Variants in ATF3 observed in about 807,000 individuals in gnomAD.
ATF3 encodes cyclic AMP-dependent transcription factor ATF-3.
A neutral mutation model predicts 18.4 loss-of-function variants in ATF3; 10 were observed. That is an observed-to-expected ratio of 0.54 (90% CI 0.34 to 0.92). ATF3 has a LOEUF of 0.92. Among genes scored for constraint, ATF3 ranks in the 40% least tolerant of loss-of-function variants. The probability of loss-of-function intolerance (pLI) is 0.02; values close to 1 mark genes in which losing one functional copy is unlikely to be tolerated. For missense variants in ATF3, 183 were observed against 222.3 expected (o/e 0.82, Z 1.12); for synonymous variants, 78 against 87.9 (o/e 0.89, Z 0.63).
At chr1:212,568,418 G>T (rs957640372) in intron 1 of ATF3, among the ~76,000 whole-genome samples, 1 of 152,132 alleles carries the variant, frequency 6.6e-6, no homozygotes, top group Non-Finnish European at 1.5e-5. Flanking sequence ...TTTGCATCAT[G>T]GAAAAAGGAG....
chr1:212,596,529 T>C (rs992614857), intron 1 of ATF3, among the ~76,000 whole-genome samples: 10 of 152,212 alleles, frequency 6.6e-5, no homozygotes, highest in African/African-American at 1.9e-4. Context: ...AGGTGGAACA[T>C]TCGTTTCATT....
At chr1:212,567,224 C>T (rs904267531) in intron 1 of ATF3, among the ~76,000 whole-genome samples, 3 of 151,960 alleles carry the variant, frequency 2.0e-5, no homozygotes, top group Admixed American at 6.6e-5. Flanking sequence ...GTGCAGCTGC[C>T]GTAGGAGCAG....
chr1:212,575,443 T>A (rs1023122637), intron 1 of ATF3, among the ~76,000 whole-genome samples: 1 of 152,086 alleles, frequency 6.6e-6, no homozygotes, highest in Admixed American at 6.5e-5. Flanking sequence ...GTGAATGTTC[T>A]TGACTTCTTT....
At chr1:212,599,003 G>A (rs1382920999) in intron 1 of ATF3, among the ~76,000 whole-genome samples, 1 of 152,144 alleles carries the variant, frequency 6.6e-6, no homozygotes, top group African/African-American at 2.4e-5. Flanking sequence ...GGATCATATG[G>A]TAGCTCTACT....
At chr1:212,614,950 G>T (rs551075020) in intron 1 of ATF3, 68 bp from the exon 2 acceptor site, 88 of 1,613,416 alleles carry the variant, frequency 5.5e-5, no homozygotes, top group Non-Finnish European at 7.0e-5. Context: ...GAGGTCTGGT[G>T]GGGGAGGGGG....
chr1:212,589,683 C>CAA lies in ATF3; in HGVS notation c.-5+24210_-5+24211dup, dbSNP rs59930174. Among the ~76,000 whole-genome samples, 290 of 124,476 alleles carry CAA rather than the reference C, an allele frequency of 2.3e-3. 2 individuals are homozygous for CAA. Among genetic ancestry groups the CAA allele is most frequent in the African/African-American group, 3.5e-3 (123 of 34,836 alleles). The allele number at this position is 124,476 out of a possible 152,430, so 81.7% of individuals were successfully genotyped here. On this transcript the variant is annotated intron_variant, in intron 1 of 3. Transcript: ENST00000366981. ...GCACAACAAGAGTGAGACACCGTCT[C>CAA]AAAAAAAAAAAGAAAGAAAAAGAAG...
At position 212,615,019 on chromosome 1, in the gene ATF3, A is replaced by G. The variant is rs761128181; in HGVS notation, c.-3A>G. 3 of 1,614,066 alleles carry G rather than the reference A, an allele frequency of 1.9e-6. No individual in the cohort carries two copies. The highest frequency in any genetic ancestry group is 2.5e-6 in the Non-Finnish European group (3 of 1,180,052). On this transcript the variant is annotated splice_region_variant and 5_prime_UTR_variant, in exon 2 of 4. Coordinates refer to ENST00000341491, the MANE Select transcript of ATF3 (RefSeq NM_001674.4). ...TTTGGGTTTCAATGTGTCTTTCAGC[A>G]AAATGATGCTTCAACACCCAGGCCA...
At chr1:212,588,341 G>A (rs922677073) in intron 1 of ATF3, among the ~76,000 whole-genome samples, 2 of 152,108 alleles carry the variant, frequency 1.3e-5, no homozygotes, top group African/African-American at 2.4e-5. Flanking sequence ...AGAACCAGTT[G>A]GCTCAAGAGT....
intron 1 of ATF3, among the ~76,000 whole-genome samples, chr1:212,569,705 G>A (rs1019256949): frequency 4.0e-5 from 6 of 150,562 alleles, no homozygotes; most frequent in African/African-American, 1.5e-4. Flanking sequence ...TGATTGTACA[G>A]GAGTTCCAAT....
intron 1 of ATF3, among the ~76,000 whole-genome samples, chr1:212,591,519 C>T (rs762373168): frequency 1.3e-5 from 2 of 152,120 alleles, no homozygotes; most frequent in Non-Finnish European, 2.9e-5. Context: ...CAAGGATTGG[C>T]CATGGGGAAT....
At chr1:212,581,403 A>G (rs1156702123) in intron 1 of ATF3, among the ~76,000 whole-genome samples, 1 of 152,192 alleles carries the variant, frequency 6.6e-6, no homozygotes, top group Non-Finnish European at 1.5e-5. Context: ...TTGAGTAGAT[A>G]TGTAAGAAAA....
At position 212,602,861 on chromosome 1, in the gene ATF3, C is replaced by T. The variant is rs568146279; in HGVS notation, c.-4-12157C>T. Among the ~76,000 whole-genome samples the T allele has an allele frequency of 2.0e-4, 31 of 152,336 alleles. No homozygotes were observed. The South Asian group carries it at 6.4e-3, about 32-fold the overall frequency. ...GCTAGACCCAGAATGTATTTGATAT[C>T]TTCTCTCTTTCCTTAGAAATCCTTG... On this transcript the variant is annotated intron_variant, in intron 1 of 3. Coordinates refer to the ATF3 transcript ENST00000366981.
intron 1 of ATF3, among the ~76,000 whole-genome samples, chr1:212,576,716 CTTTTCTT>C (rs1257414180): frequency 0.054 from 4,210 of 77,256 alleles, 146 homozygotes; most frequent in African/African-American, 0.16. Flanking sequence ...CTTTTCTTTT[CTTTTCTT>C]TTTTTTTTTT....
At position 212,614,883 on chromosome 1, in the gene ATF3, A is replaced by G. The variant is rs11571540; in HGVS notation, c.-4-135A>G. The G allele has an allele frequency of 1.4e-4, 210 of 1,521,160 alleles. No homozygotes were observed. The African/African-American group carries it at 2.5e-3, about 18-fold the overall frequency. 94.2% of individuals were successfully genotyped at this position (1,521,160 alleles called of 1,614,324 possible). ...GATGAGGATGGCATGAAATGAAAAC[A>G]AAACAGAAACCCAAGGGCTTATGGG... On this transcript the variant is annotated intron_variant, in intron 1 of 3. Transcript: ENST00000341491.
rs544377771 is a variant in ATF3 at position 212,588,939 on chromosome 1, A to G, written c.-5+23456A>G. ...AACTTCCTTTTCAAAAATATAAGTA[A>G]TACATGTATATAGCTTTTTTGTGTG... On this transcript the variant is annotated intron_variant, in intron 1 of 3. Transcript: ENST00000366981. 7.5e-4 allele frequency among the ~76,000 whole-genome samples: 114 copies of G among 152,364 alleles called. 1 individual carries two copies. The highest frequency in any genetic ancestry group is 2.7e-3 in the African/African-American group (114 of 41,578).
At chr1:212,589,005 T>C (rs1664831938) in intron 1 of ATF3, among the ~76,000 whole-genome samples, 1 of 152,232 alleles carries the variant, frequency 6.6e-6, no homozygotes, top group African/African-American at 2.4e-5. Context: ...AAATTATTCT[T>C]CTAATCTGAA....
At chr1:212,603,422 G>A (rs1016864603) in intron 1 of ATF3, among the ~76,000 whole-genome samples, 2 of 152,188 alleles carry the variant, frequency 1.3e-5, no homozygotes, top group African/African-American at 2.4e-5. Context: ...AAATGCACAA[G>A]TAGTCACAAT....
intron 1 of ATF3, chr1:212,613,659 G>A (rs1558239352): frequency 6.6e-6 from 1 of 152,224 alleles, no homozygotes; most frequent in East Asian, 1.9e-4. Context: ...TGTCTGGACT[G>A]TGCTAATGAC....
At chr1:212,590,494 G>C (rs1465772780) in intron 1 of ATF3, among the ~76,000 whole-genome samples, 1 of 152,152 alleles carries the variant, frequency 6.6e-6, no homozygotes, top group East Asian at 1.9e-4. Flanking sequence ...ATTTTTAAAA[G>C]AGGTCGTTAA....
Sources: gnomAD v4.1 joint callset for allele counts (sites outside exome capture counted in the v4.1 genomes callset) on GRCh38, gnomAD v4.1.1 for gene constraint, MANE v1.5 for transcripts, NCBI Gene and HGNC (gene_info 2026-07-23, HGNC 2026-07-21) for gene names.